Variants in EXT1 observed in about 807,000 individuals in gnomAD.
The protein encoded by EXT1 is exostosin glycosyltransferase 1.
In EXT1, 20 loss-of-function variants were observed where a neutral mutation model predicts 82.5. The ratio of observed to expected loss-of-function variants is 0.24; its 90% CI spans 0.17 to 0.35. The LOEUF is 0.35. Ranked by LOEUF, EXT1 falls within the 10% of genes least tolerant of loss-of-function variation. The probability of loss-of-function intolerance (pLI) is 1.00; values close to 1 mark genes in which losing one functional copy is unlikely to be tolerated. For synonymous variants in EXT1, 348 were observed against 350.8 expected, an observed-to-expected ratio of 0.99 and a Z score of 0.09; for missense variants, 757 against 936.5, an observed-to-expected ratio of 0.81 and a Z score of 2.50.
At chr8:117,930,091 GA>G (rs1814023136) in intron 1 of EXT1, among the ~76,000 whole-genome samples, 1 of 150,062 alleles carries the variant, frequency 6.7e-6, no homozygotes, top group African/African-American at 2.5e-5. Context: ...GCAACAGAGA[GA>G]GACTCCATCT....
At chr8:117,920,012 G>C (rs1438036080) in intron 1 of EXT1, among the ~76,000 whole-genome samples, 1 of 152,186 alleles carries the variant, frequency 6.6e-6, no homozygotes, top group East Asian at 1.9e-4. Flanking sequence ...CATGTTGATA[G>C]TTGATATGGT....
chr8:117,846,866 G>A (rs1003279858), intron 1 of EXT1, among the ~76,000 whole-genome samples: 4 of 152,078 alleles, frequency 2.6e-5, no homozygotes, highest in African/African-American at 4.8e-5. Flanking sequence ...GGCTGGCTGT[G>A]GAGGGAGCAC....
chr8:117,807,075 G>T, intron 9 of EXT1, 142 bp downstream of exon 9: 1 of 937,136 alleles, frequency 1.1e-6, no homozygotes, highest in South Asian at 1.4e-5. Flanking sequence ...ACACACATTT[G>T]ACACATCAGC....
intron 1 of EXT1, among the ~76,000 whole-genome samples, chr8:117,930,486 C>T (rs1036611025): frequency 6.6e-6 from 1 of 152,094 alleles, no homozygotes; most frequent in African/African-American, 2.4e-5. Context: ...TCTAAATATC[C>T]ACATCTGGTC....
At chr8:117,909,853 C>T (rs547277084) in intron 1 of EXT1, among the ~76,000 whole-genome samples, 19 of 152,128 alleles carry the variant, frequency 1.2e-4, no homozygotes, top group African/African-American at 3.9e-4. Context: ...CTGCAACCTC[C>T]GCCTCCCAGG....
At chr8:117,973,899 G>GC (rs1815008096) in intron 1 of EXT1, among the ~76,000 whole-genome samples, 1 of 126,230 alleles carries the variant, frequency 7.9e-6, no homozygotes, top group African/African-American at 3.2e-5. Context: ...GGAAAGGAAA[G>GC]AAAAGGAAAG....
At chr8:118,083,898 G>A (rs1817375080) in intron 1 of EXT1, among the ~76,000 whole-genome samples, 1 of 151,974 alleles carries the variant, frequency 6.6e-6, no homozygotes, top group African/African-American at 2.4e-5. Flanking sequence ...GTGTGGTGGT[G>A]GACACCTGTA....
rs539249572 is a variant in EXT1 at position 118,102,533 on chromosome 8, A to G, written c.962+7552T>C. On this transcript the variant is annotated intron_variant, in intron 1 of 10. Coordinates refer to ENST00000378204, the MANE Select transcript of EXT1 (RefSeq NM_000127.3). ...GGTAGGAGTTTGTTTTGTTTGCTGA[A>G]GTAGCCCCAGCTCCAATACATAAGT... Among the ~76,000 whole-genome samples, 45 of 152,336 alleles carry G rather than the reference A, an allele frequency of 3.0e-4. No homozygotes were observed. In the South Asian group the frequency reaches 4.8e-3, roughly 16 times the overall value.
At chr8:118,055,172 C>G (rs960736217) in intron 1 of EXT1, among the ~76,000 whole-genome samples, 3 of 152,196 alleles carry the variant, frequency 2.0e-5, no homozygotes, top group Non-Finnish European at 4.4e-5. Context: ...ACTGCAACCA[C>G]TAATCTGTCT....
chr8:118,072,398 T>C (rs1817111237), intron 1 of EXT1, among the ~76,000 whole-genome samples: 1 of 152,238 alleles, frequency 6.6e-6, no homozygotes, highest in Non-Finnish European at 1.5e-5. Flanking sequence ...CCATAGCACA[T>C]AATCTGCTCT....
chr8:118,056,273 G>C (rs1816792581), intron 1 of EXT1, among the ~76,000 whole-genome samples: 1 of 152,162 alleles, frequency 6.6e-6, no homozygotes, highest in African/African-American at 2.4e-5. Flanking sequence ...CATCTTGAAA[G>C]AATTGACACA....
chr8:118,028,621 AAAAAT>A (rs1358172867), intron 1 of EXT1, among the ~76,000 whole-genome samples: 1 of 151,990 alleles, frequency 6.6e-6, no homozygotes, highest in Non-Finnish European at 1.5e-5. Flanking sequence ...ATAAAAAGGA[AAAAAT>A]AAAATAAAAA....
chr8:118,020,687 G>T (rs1816088971), intron 1 of EXT1, among the ~76,000 whole-genome samples: 1 of 152,138 alleles, frequency 6.6e-6, no homozygotes, highest in African/African-American at 2.4e-5. Context: ...TACATTATGG[G>T]TTAGCACGGA....
chr8:117,987,528 T>C (rs944277372), intron 1 of EXT1, among the ~76,000 whole-genome samples: 3 of 152,236 alleles, frequency 2.0e-5, no homozygotes, highest in South Asian at 2.1e-4. Context: ...GAGAAGAGCA[T>C]GGCTGCACAG....
At chr8:117,856,421 AATTTTTTTTTTT>A (rs1437874703) in intron 1 of EXT1, among the ~76,000 whole-genome samples, 1 of 119,998 alleles carries the variant, frequency 8.3e-6, no homozygotes, top group Non-Finnish European at 1.6e-5. Flanking sequence ...CGCCTGGCTA[AATTTTTTTTTTT>A]TTTTTTTTTT....
In EXT1 at chr8:117,837,089, A is replaced by T; in HGVS notation, c.1056+19T>A. Reference sequence around the variant, plus strand: ...TTCGGTCCTCAGCCCTATTCTGGGAAGGCTCCAGGGCCTCTTACCTGCAAA... The same window carrying T: ...TTCGGTCCTCAGCCCTATTCTGGGATGGCTCCAGGGCCTCTTACCTGCAAA... On this transcript the variant is annotated intron_variant, in intron 2 of 10. Coordinates refer to ENST00000378204, the MANE Select transcript of EXT1 (RefSeq NM_000127.3). 6.3e-7 allele frequency: 1 copy of T among 1,599,556 alleles called. No individual in the cohort carries two copies.
intron 1 of EXT1, among the ~76,000 whole-genome samples, chr8:117,956,810 G>T (rs1298362381): frequency 1.3e-5 from 2 of 152,100 alleles, no homozygotes; most frequent in African/African-American, 4.8e-5. Context: ...CCTTAACCAT[G>T]AGCATATATT....
intron 1 of EXT1, among the ~76,000 whole-genome samples, chr8:117,992,417 G>A (rs1238624217): frequency 3.5e-5 from 5 of 142,100 alleles, no homozygotes; most frequent in Non-Finnish European, 7.5e-5. Flanking sequence ...GCCTCAACGG[G>A]ACCTCCTCCT....
At chr8:117,830,180 G>A (rs756936106) in intron 4 of EXT1, 50 bp downstream of exon 4, 4 of 1,611,398 alleles carry the variant, frequency 2.5e-6, no homozygotes, top group Middle Eastern at 3.3e-4. Flanking sequence ...GCTGAGAGAA[G>A]TGTATAAAGG....
Sources: allele counts gnomAD v4.1 joint callset (sites outside exome capture counted in the v4.1 genomes callset), GRCh38; gene constraint gnomAD v4.1.1; transcripts MANE v1.5; gene names NCBI Gene and HGNC (gene_info 2026-07-23, HGNC 2026-07-21).